ADD1: variants seen among roughly 807,000 people sequenced by gnomAD.
The protein encoded by ADD1 is alpha-adducin.
A neutral mutation model predicts 80.5 loss-of-function variants in ADD1; 24 were observed. The ratio of observed to expected loss-of-function variants is 0.30; its 90% CI spans 0.22 to 0.42. The LOEUF is 0.42. Among genes scored for constraint, ADD1 ranks in the 10% least tolerant of loss-of-function variants. The probability of loss-of-function intolerance (pLI) is 1.00; values close to 1 mark genes in which losing one functional copy is unlikely to be tolerated. For missense variants in ADD1, 948 were observed against 1,019.0 expected (o/e 0.93, Z 0.95); for synonymous variants, 373 against 393.8 (o/e 0.95, Z 0.63).
intron 1 of ADD1, among the ~76,000 whole-genome samples, chr4:2,856,584 GTTTTTTTT>G (rs35341139): frequency 9.5e-6 from 1 of 105,792 alleles, no homozygotes; most frequent in Non-Finnish European, 1.9e-5. Context: ...GGTTACTAGA[GTTTTTTTT>G]TTTTTTTTTT....
intron 1 of ADD1, among the ~76,000 whole-genome samples, chr4:2,873,016 C>T (rs4690000): frequency 0.17 from 26,076 of 151,408 alleles, 2,737 homozygotes; most frequent in East Asian, 0.48. Context: ...TTTTTTAAGA[C>T]GGAGTCTTAC....
chr4:2,854,458 T>A (rs1464303346), intron 1 of ADD1, among the ~76,000 whole-genome samples: 1 of 152,252 alleles, frequency 6.6e-6, no homozygotes, highest in African/African-American at 2.4e-5. Context: ...TTACTGTTAC[T>A]GACTTGAGCA....
chr4:2,864,138 C>T (rs1729201474), intron 1 of ADD1, among the ~76,000 whole-genome samples: 1 of 152,176 alleles, frequency 6.6e-6, no homozygotes, highest in South Asian at 2.1e-4. Context: ...TATGGCCGGG[C>T]GTGGTGGCTC....
chr4:2,848,623 C>T (rs1387065872), intron 1 of ADD1, among the ~76,000 whole-genome samples: 1 of 151,812 alleles, frequency 6.6e-6, no homozygotes, highest in East Asian at 1.9e-4. Flanking sequence ...TTCATGCCAA[C>T]AGGCTTGGCT....
intron 2 of ADD1, among the ~76,000 whole-genome samples, chr4:2,881,350 A>T (rs2108927366): frequency 6.6e-6 from 1 of 152,246 alleles, no homozygotes; most frequent in South Asian, 2.1e-4. Context: ...AAGTGCTGGG[A>T]TTCCAGGCAT....
intron 13 of ADD1, among the ~76,000 whole-genome samples, chr4:2,911,792 A>G (rs1005106999): frequency 1.3e-5 from 2 of 152,150 alleles, no homozygotes; most frequent in African/African-American, 2.4e-5. Flanking sequence ...TCTGGATTCA[A>G]TTGCAAGTGA....
At chr4:2,923,013 G>A (rs534726255) in intron 14 of ADD1, among the ~76,000 whole-genome samples, 60 of 152,348 alleles carry the variant, frequency 3.9e-4, no homozygotes, top group African/African-American at 1.3e-3. Flanking sequence ...ATCCCAGGTC[G>A]ACTTCAGACT....
intron 13 of ADD1, among the ~76,000 whole-genome samples, chr4:2,914,219 G>T (rs1738589253): frequency 1.3e-5 from 2 of 152,216 alleles, no homozygotes; most frequent in African/African-American, 4.8e-5. Flanking sequence ...TGGCCTGCAG[G>T]CTCCACCTCC....
chr4:2,917,508 C>T (rs1739288456), intron 14 of ADD1, among the ~76,000 whole-genome samples: 1 of 152,066 alleles, frequency 6.6e-6, no homozygotes, highest in Non-Finnish European at 1.5e-5. Flanking sequence ...ATAGTTTCTT[C>T]TGGTGTGCAG....
At chr4:2,910,485 A>G (rs1737841481) in intron 13 of ADD1, among the ~76,000 whole-genome samples, 1 of 152,050 alleles carries the variant, frequency 6.6e-6, no homozygotes, top group Non-Finnish European at 1.5e-5. Context: ...AGCAGGGGAG[A>G]AAGATGACTC....
At chr4:2,924,154 C>T (rs984783811) in intron 14 of ADD1, among the ~76,000 whole-genome samples, 2 of 152,202 alleles carry the variant, frequency 1.3e-5, no homozygotes, top group Admixed American at 1.3e-4. Context: ...CAAAGGCGGT[C>T]TTGTTTTTGT....
intron 1 of ADD1, among the ~76,000 whole-genome samples, chr4:2,858,704 C>G (rs760833739): frequency 1.3e-5 from 2 of 152,192 alleles, no homozygotes; most frequent in Non-Finnish European, 2.9e-5. Flanking sequence ...AAACCACACC[C>G]AAGGCCAGGC....
At chr4:2,848,345 T>G (rs1726563944) in intron 1 of ADD1, among the ~76,000 whole-genome samples, 1 of 152,240 alleles carries the variant, frequency 6.6e-6, no homozygotes, top group South Asian at 2.1e-4. Context: ...GGAAGCACAT[T>G]TAATACAGTT....
chr4:2,857,786 C>T (rs1728293350), intron 1 of ADD1, among the ~76,000 whole-genome samples: 3 of 152,078 alleles, frequency 2.0e-5, no homozygotes, highest in Admixed American at 6.6e-5. Flanking sequence ...GTGTGTTTTC[C>T]ATGATACAGG....
At chr4:2,852,048 C>G (rs1457953333) in intron 1 of ADD1, among the ~76,000 whole-genome samples, 1 of 152,082 alleles carries the variant, frequency 6.6e-6, no homozygotes, top group Non-Finnish European at 1.5e-5. Flanking sequence ...CATGTTGAGG[C>G]TGGTCTCGAA....
chr4:2,909,876 T>C (rs376764670), intron 13 of ADD1, among the ~76,000 whole-genome samples: 5 of 150,212 alleles, frequency 3.3e-5, no homozygotes, highest in East Asian at 3.9e-4. Flanking sequence ...ATGTAGCCAC[T>C]AGAGGTCATA....
At chr4:2,871,613 A>T (rs1730468632) in intron 1 of ADD1, among the ~76,000 whole-genome samples, 1 of 152,180 alleles carries the variant, frequency 6.6e-6, no homozygotes, top group Non-Finnish European at 1.5e-5. Context: ...AGAATCACGG[A>T]GCGTTTCAAA....
At chr4:2,909,268 A>G (rs1420017906) in intron 12 of ADD1, 71 bp from the exon 13 acceptor site, 1 of 1,330,690 alleles carries the variant, frequency 7.5e-7, no homozygotes, top group Non-Finnish European at 1.1e-6. Flanking sequence ...AGCCAGCTCC[A>G]TCCTGTGCTC....
intron 13 of ADD1, among the ~76,000 whole-genome samples, chr4:2,912,693 AT>A (rs1560237842): frequency 6.6e-6 from 1 of 151,566 alleles, no homozygotes; most frequent in East Asian, 2.0e-4. Flanking sequence ...TGCTTGGCTA[AT>A]TTTTAAATTT....
Sources: allele counts gnomAD v4.1 joint callset (sites outside exome capture counted in the v4.1 genomes callset), GRCh38; gene constraint gnomAD v4.1.1; transcripts MANE v1.5; gene names NCBI Gene and HGNC (gene_info 2026-07-23, HGNC 2026-07-21).